Variants in UNC5C observed in about 807,000 individuals in gnomAD.
UNC5C encodes the protein unc-5 netrin receptor C, also known as netrin receptor UNC5C.
UNC5C carries 47 observed loss-of-function variants against 99.8 expected under a neutral mutation model. The ratio of observed to expected loss-of-function variants is 0.47; its 90% CI spans 0.37 to 0.60. The LOEUF (loss-of-function observed/expected upper bound fraction) is 0.60, where lower values mean the gene tolerates loss of function less well. Ranked by LOEUF, UNC5C falls within the 20% of genes least tolerant of loss-of-function variation. The probability of loss-of-function intolerance (pLI) is 0.00; values close to 1 mark genes in which losing one functional copy is unlikely to be tolerated. For synonymous variants in UNC5C, 487 were observed against 452.2 expected, an observed-to-expected ratio of 1.08 and a Z score of -0.98; for missense variants, 1,062 against 1,165.9, an observed-to-expected ratio of 0.91 and a Z score of 1.30.
chr4:95,182,277 G>T (rs1303902552), intron 14 of UNC5C, among the ~76,000 whole-genome samples: 1 of 152,182 alleles, frequency 6.6e-6, no homozygotes, highest in Non-Finnish European at 1.5e-5. Flanking sequence ...GCCACAGGGG[G>T]GAAATACGGA....
intron 1 of UNC5C, among the ~76,000 whole-genome samples, chr4:95,505,989 A>G (rs530535875): frequency 2.0e-5 from 3 of 152,060 alleles, no homozygotes; most frequent in Admixed American, 2.0e-4. Context: ...CCAGAAGACT[A>G]GAAAATATGC....
At chr4:95,471,319 C>T (rs1280986912) in intron 1 of UNC5C, among the ~76,000 whole-genome samples, 2 of 151,926 alleles carry the variant, frequency 1.3e-5, no homozygotes, top group East Asian at 3.9e-4. Flanking sequence ...GTAAGTGTAC[C>T]AACATGTAAT....
intron 3 of UNC5C, among the ~76,000 whole-genome samples, chr4:95,279,542 A>G (rs1425104904): frequency 2.0e-5 from 3 of 152,224 alleles, no homozygotes; most frequent in African/African-American, 7.2e-5. Flanking sequence ...TCTAATTTCT[A>G]AAGTTAGAAA....
chr4:95,546,909 A>G (rs1185599852), intron 1 of UNC5C, among the ~76,000 whole-genome samples: 1 of 152,114 alleles, frequency 6.6e-6, no homozygotes, highest in Non-Finnish European at 1.5e-5. Context: ...TTTCCCAAAC[A>G]GTTCTCTCAC....
chr4:95,467,950 A>C (rs1269919306), intron 1 of UNC5C, among the ~76,000 whole-genome samples: 1 of 152,122 alleles, frequency 6.6e-6, no homozygotes, highest in South Asian at 2.1e-4. Context: ...GTAGTGGATC[A>C]TCATAAAGGT....
chr4:95,273,845 C>T (rs1307894238), intron 4 of UNC5C, among the ~76,000 whole-genome samples: 2 of 152,010 alleles, frequency 1.3e-5, no homozygotes, highest in African/African-American at 4.8e-5. Context: ...GGAACCTTGC[C>T]CTCAGGGTTC....
chr4:95,450,570 T>C (rs1747253607), intron 1 of UNC5C, among the ~76,000 whole-genome samples: 1 of 152,170 alleles, frequency 6.6e-6, no homozygotes, highest in Admixed American at 6.5e-5. Flanking sequence ...ACTATTTGAG[T>C]GGTATCATTC....
chr4:95,207,693 C>A (rs964190741), intron 10 of UNC5C, among the ~76,000 whole-genome samples: 2 of 151,980 alleles, frequency 1.3e-5, no homozygotes, highest in Non-Finnish European at 2.9e-5. Flanking sequence ...CATGGACTCA[C>A]AGAATTTTAG....
At chr4:95,184,500 T>C (rs1344910449) in intron 13 of UNC5C, among the ~76,000 whole-genome samples, 3 of 152,212 alleles carry the variant, frequency 2.0e-5, no homozygotes, top group African/African-American at 4.8e-5. Context: ...GAGGGGAAAA[T>C]TCCTTGAGGG....
intron 4 of UNC5C, among the ~76,000 whole-genome samples, chr4:95,270,107 G>GTCCTACT (rs1431551122): frequency 1.3e-5 from 2 of 152,140 alleles, no homozygotes; most frequent in African/African-American, 4.8e-5. Flanking sequence ...GGAGTTTGAA[G>GTCCTACT]TCCTACTATT....
intron 3 of UNC5C, among the ~76,000 whole-genome samples, chr4:95,292,262 T>TA (rs1205806974): frequency 5.2e-5 from 3 of 57,350 alleles, no homozygotes; most frequent in Non-Finnish European, 1.0e-4. Context: ...TATATATATA[T>TA]ATATAAATTT....
chr4:95,373,088 C>T (rs2149439369), intron 1 of UNC5C, among the ~76,000 whole-genome samples: 1 of 152,276 alleles, frequency 6.6e-6, no homozygotes, highest in South Asian at 2.1e-4. Context: ...AAACCACCAT[C>T]ATCTCACTAT....
At chr4:95,303,839 G>A (rs961383836) in intron 2 of UNC5C, among the ~76,000 whole-genome samples, 3 of 152,114 alleles carry the variant, frequency 2.0e-5, no homozygotes, top group Non-Finnish European at 4.4e-5. Context: ...ATGTGTATGT[G>A]TATTCAATTC....
chr4:95,395,987 C>T (rs1409863424), intron 1 of UNC5C, among the ~76,000 whole-genome samples: 1 of 152,200 alleles, frequency 6.6e-6, no homozygotes, highest in Non-Finnish European at 1.5e-5. Context: ...CTGGCTTCAT[C>T]ATAAGGAAAC....
intron 10 of UNC5C, among the ~76,000 whole-genome samples, chr4:95,210,553 C>T (rs566470370): frequency 2.6e-5 from 4 of 152,108 alleles, no homozygotes; most frequent in Admixed American, 6.5e-5. Flanking sequence ...CTCTATGTCT[C>T]ATGTGTTTTC....
At chr4:95,408,255 G>A (rs1368436320) in intron 1 of UNC5C, among the ~76,000 whole-genome samples, 2 of 152,052 alleles carry the variant, frequency 1.3e-5, no homozygotes, top group African/African-American at 2.4e-5. Context: ...AATCTACTAT[G>A]TGCTTTAAAT....
At chr4:95,219,417 C>T in intron 8 of UNC5C, 104 bp from the exon 9 acceptor site, 3 of 1,095,772 alleles carry the variant, frequency 2.7e-6, no homozygotes, top group Non-Finnish European at 4.0e-6. Flanking sequence ...TAAAGCAGCT[C>T]AGCTAATATC....
At chr4:95,244,521 A>G (rs932050069) in intron 6 of UNC5C, among the ~76,000 whole-genome samples, 4 of 152,200 alleles carry the variant, frequency 2.6e-5, no homozygotes, top group Non-Finnish European at 5.9e-5. Context: ...AATTCATTTC[A>G]AATGTTGTAT....
intron 1 of UNC5C, among the ~76,000 whole-genome samples, chr4:95,418,596 T>C (rs896567322): frequency 1.3e-5 from 2 of 152,186 alleles, no homozygotes; most frequent in Non-Finnish European, 2.9e-5. Flanking sequence ...CTTTTTACTA[T>C]AATAACATGA....
Sources: allele counts gnomAD v4.1 joint callset (sites outside exome capture counted in the v4.1 genomes callset), GRCh38; gene constraint gnomAD v4.1.1; transcripts MANE v1.5; gene names NCBI Gene and HGNC (gene_info 2026-07-23, HGNC 2026-07-21).